NRG4: variants seen among roughly 807,000 people sequenced by gnomAD.
The protein encoded by NRG4 is pro-neuregulin-4, membrane-bound isoform.
In NRG4, 10 loss-of-function variants were observed where a neutral mutation model predicts 15.0. The observed-to-expected ratio is 0.67, with a 90% CI of 0.41 to 1.13. The LOEUF is 1.13. Among genes scored for constraint, NRG4 ranks in the 50% most tolerant of loss-of-function variants. NRG4 has a pLI of 0.00. For missense variants in NRG4, 139 were observed against 140.2 expected, an observed-to-expected ratio of 0.99 and a Z score of 0.04; for synonymous variants, 41 against 50.1, an observed-to-expected ratio of 0.82 and a Z score of 0.77.
intron 5 of NRG4, among the ~76,000 whole-genome samples, chr15:76,017,768 T>G (rs1433581738): frequency 6.6e-6 from 1 of 152,184 alleles, no homozygotes; most frequent in Non-Finnish European, 1.5e-5. Context: ...ATTTTTTCCT[T>G]CATTTCAACC....
At chr15:76,000,764 C>G (rs2034383899) in intron 3 of NRG4, among the ~76,000 whole-genome samples, 1 of 152,048 alleles carries the variant, frequency 6.6e-6, no homozygotes, top group Admixed American at 6.6e-5. Context: ...GTGTGTACTT[C>G]TGCACTGTGT....
intron 1 of NRG4, among the ~76,000 whole-genome samples, chr15:76,057,679 A>G (rs537935093): frequency 1.3e-5 from 2 of 152,272 alleles, no homozygotes; most frequent in African/African-American, 4.8e-5. Context: ...TTGACTTCAC[A>G]CTACAACATG....
chr15:75,995,582 A>G (rs2034185566), intron 3 of NRG4, among the ~76,000 whole-genome samples: 1 of 152,134 alleles, frequency 6.6e-6, no homozygotes. Context: ...TATCCAAACT[A>G]TATCACACCT....
intron 4 of NRG4, among the ~76,000 whole-genome samples, chr15:76,040,379 C>T (rs34699229): frequency 6.6e-6 from 1 of 152,068 alleles, no homozygotes; most frequent in African/African-American, 2.4e-5. Context: ...CAAGCAAAAG[C>T]TAAGGGATTT....
At chr15:76,046,187 G>T (rs1295169891) in intron 4 of NRG4, among the ~76,000 whole-genome samples, 3 of 150,840 alleles carry the variant, frequency 2.0e-5, no homozygotes, top group South Asian at 2.1e-4. Flanking sequence ...TGAAACTGAT[G>T]AAAGAAATTG....
upstream of NRG4, among the ~76,000 whole-genome samples, chr15:76,015,077 T>C (rs2034935243): frequency 6.6e-6 from 1 of 152,204 alleles, no homozygotes; most frequent in South Asian, 2.1e-4. Context: ...GTGAGTTGTA[T>C]TCCTAGGTAT....
upstream of NRG4, among the ~76,000 whole-genome samples, chr15:76,016,063 G>A (rs1325634581): frequency 6.6e-6 from 1 of 152,112 alleles, no homozygotes; most frequent in Non-Finnish European, 1.5e-5. Context: ...CTTCTTCCTG[G>A]TTTAGTGTTG....
intron 5 of NRG4, among the ~76,000 whole-genome samples, chr15:75,952,084 G>A (rs1483131450): frequency 2.0e-5 from 3 of 152,016 alleles, no homozygotes. Flanking sequence ...ATGGTTTTGA[G>A]ATACAATCAC....
At chr15:75,990,232 A>G (rs894852080) in intron 3 of NRG4, among the ~76,000 whole-genome samples, 2 of 152,014 alleles carry the variant, frequency 1.3e-5, no homozygotes, top group African/African-American at 2.4e-5. Context: ...GATTTCTGGA[A>G]CTCTTTCTCT....
intron 4 of NRG4, among the ~76,000 whole-genome samples, chr15:76,038,981 T>G (rs1596052513): frequency 6.6e-6 from 1 of 152,218 alleles, no homozygotes; most frequent in Admixed American, 6.5e-5. Flanking sequence ...AACCAGAGAA[T>G]TCTTCCAGAA....
At chr15:76,031,478 G>A (rs1451573563) in intron 5 of NRG4, among the ~76,000 whole-genome samples, 6 of 152,176 alleles carry the variant, frequency 3.9e-5, no homozygotes, top group East Asian at 3.9e-4. Context: ...ATCTGAGGTC[G>A]GGAGTTCAAG....
downstream of NRG4, chr15:75,940,893 T>A (rs1216261287): frequency 3.3e-5 from 5 of 152,132 alleles, no homozygotes; most frequent in African/African-American, 1.2e-4. Flanking sequence ...TGGCAGTGGT[T>A]TCTTGGATAT....
chr15:76,005,174 T>C (rs1433329385), intron 3 of NRG4, among the ~76,000 whole-genome samples: 2 of 151,318 alleles, frequency 1.3e-5, no homozygotes, highest in East Asian at 2.0e-4. Context: ...AGGAGTTTGA[T>C]GCCAGGAGTT....
At chr15:76,000,515 CA>C (rs1347264234) in intron 3 of NRG4, among the ~76,000 whole-genome samples, 2 of 152,094 alleles carry the variant, frequency 1.3e-5, no homozygotes, top group Non-Finnish European at 2.9e-5. Flanking sequence ...AGTAGTTTGA[CA>C]ATTCTGTTGC....
chr15:76,016,220 A>G (rs760641373), upstream of NRG4, among the ~76,000 whole-genome samples: 4 of 151,562 alleles, frequency 2.6e-5, no homozygotes. Flanking sequence ...TATTGTGTCT[A>G]TTTGATTCTT....
intron 3 of NRG4, among the ~76,000 whole-genome samples, chr15:75,968,749 A>T (rs1282530325): frequency 1.3e-5 from 2 of 152,170 alleles, no homozygotes; most frequent in African/African-American, 4.8e-5. Context: ...GCAGACAAAA[A>T]TAAGTAAATA....
chr15:76,033,402 TAAAC>T (rs1042436136), intron 5 of NRG4, among the ~76,000 whole-genome samples: 1 of 152,106 alleles, frequency 6.6e-6, no homozygotes, highest in African/African-American at 2.4e-5. Flanking sequence ...TTTCAAAAAA[TAAAC>T]AAATAAGGCT....
chr15:76,028,412 T>G (rs150050393), intron 5 of NRG4, among the ~76,000 whole-genome samples: 1 of 152,128 alleles, frequency 6.6e-6, no homozygotes, highest in South Asian at 2.1e-4. Flanking sequence ...GTCTTGGATA[T>G]ATACAACCTA....
chr15:75,986,842 G>C (rs764599046), intron 3 of NRG4, among the ~76,000 whole-genome samples: 1 of 152,120 alleles, frequency 6.6e-6, no homozygotes, highest in Non-Finnish European at 1.5e-5. Flanking sequence ...CCTAGTTTCA[G>C]ATGGGCTTGA....
Sources: allele counts gnomAD v4.1 joint callset (sites outside exome capture counted in the v4.1 genomes callset), GRCh38; gene constraint gnomAD v4.1.1; transcripts MANE v1.5; gene names NCBI Gene and HGNC (gene_info 2026-07-23, HGNC 2026-07-21).